SGCE: variants seen among roughly 807,000 people sequenced by gnomAD.
SGCE encodes the protein epsilon-sarcoglycan.
In SGCE, 26 loss-of-function variants were observed where a neutral mutation model predicts 57.8. The observed-to-expected ratio is 0.45, with a 90% confidence interval of 0.33 to 0.62. SGCE has a LOEUF of 0.62. Ranked by LOEUF, SGCE falls within the 20% of genes least tolerant of loss-of-function variation. The pLI, the probability that SGCE is intolerant of heterozygous loss-of-function variation, is 0.02. For synonymous variants in SGCE, 183 were observed against 189.5 expected (o/e 0.97, Z 0.28); for missense variants, 468 against 548.6 (o/e 0.85, Z 1.47).
At chr7:94,649,088 A>G (rs1279485056) in intron 1 of SGCE, among the ~76,000 whole-genome samples, 1 of 152,246 alleles carries the variant, frequency 6.6e-6, no homozygotes, top group Non-Finnish European at 1.5e-5. Flanking sequence ...TACCATGGCG[A>G]TTCCCGTGGT....
At chr7:94,605,223 G>A (rs1799933162) in intron 5 of SGCE, among the ~76,000 whole-genome samples, 1 of 152,028 alleles carries the variant, frequency 6.6e-6, no homozygotes, top group Admixed American at 6.6e-5. Flanking sequence ...AAACAACTAT[G>A]ACTAATATGC....
At position 94,628,250 on chromosome 7, in the gene SGCE, T is replaced by G; in HGVS notation, c.342A>C (p.Leu114=). Residue 114 remains leucine, a synonymous_variant, in exon 3 of 11, where the codon CTA becomes CTC. Transcript: ENST00000648936. ...CATTTTCAGCTGTTGGGGACCCATA[T>G]AGGACTCCATCACTATATGGTGTCC... is the stretch of plus-strand genomic sequence containing the variant. The part of the protein sequence containing the change: ...IQRTPYSDGV[L]YGSPTAENVG... 6.2e-7 allele frequency: 1 copy of G among 1,611,990 alleles called. No individual in the cohort carries two copies.
chr7:94,611,644 T>C (rs1352087340), intron 5 of SGCE, among the ~76,000 whole-genome samples: 1 of 152,220 alleles, frequency 6.6e-6, no homozygotes, highest in African/African-American at 2.4e-5. Context: ...GTGCATTGTA[T>C]GATATGTGAA....
intron 1 of SGCE, among the ~76,000 whole-genome samples, chr7:94,635,502 T>C (rs1805487398): frequency 1.3e-5 from 2 of 152,232 alleles, no homozygotes; most frequent in African/African-American, 2.4e-5. Context: ...TTTTATAGTT[T>C]TAACATCTAA....
chr7:94,590,732 G>T (rs1025759533), intron 9 of SGCE: 1 of 152,186 alleles, frequency 6.6e-6, no homozygotes, highest in Non-Finnish European at 1.5e-5. Context: ...AAACAAGGGA[G>T]TTAGGAATCC....
intron 10 of SGCE, chr7:94,587,154 G>T: frequency 1.0e-6 from 1 of 984,174 alleles, no homozygotes. Context: ...AAAACTCTTT[G>T]GCTCTTATAT....
intron 3 of SGCE, chr7:94,624,378 GAGTT>G (rs748157196): frequency 1.0e-5 from 4 of 395,266 alleles, no homozygotes; most frequent in Non-Finnish European, 1.8e-5. Flanking sequence ...TGAAAATACT[GAGTT>G]AGAACAGTAA....
At chr7:94,644,184 T>C (rs960971882) in intron 1 of SGCE, among the ~76,000 whole-genome samples, 3 of 152,248 alleles carry the variant, frequency 2.0e-5, no homozygotes, top group African/African-American at 4.8e-5. Context: ...AGGATATCAC[T>C]GTACATAATT....
intron 1 of SGCE, among the ~76,000 whole-genome samples, chr7:94,641,840 A>G (rs1188958679): frequency 1.3e-5 from 2 of 152,092 alleles, no homozygotes; most frequent in Non-Finnish European, 2.9e-5. Context: ...GGGGTCCACT[A>G]TGTTGCCCAG....
chr7:94,646,115 T>G (rs929055236), intron 1 of SGCE, among the ~76,000 whole-genome samples: 2 of 152,214 alleles, frequency 1.3e-5, no homozygotes, highest in Non-Finnish European at 2.9e-5. Context: ...CCTCATTCTC[T>G]GCACTTAGCC....
chr7:94,593,592 A>G (rs955577114), intron 9 of SGCE, among the ~76,000 whole-genome samples: 3 of 151,930 alleles, frequency 2.0e-5, no homozygotes, highest in South Asian at 2.1e-4. Context: ...CATTTTTTCA[A>G]TGGCTTTTAG....
intron 1 of SGCE, among the ~76,000 whole-genome samples, chr7:94,638,678 T>C (rs1044210633): frequency 6.6e-6 from 1 of 151,710 alleles, no homozygotes; most frequent in Admixed American, 6.6e-5. Context: ...AAGTTCATAA[T>C]GGTAACTGGT....
At chr7:94,613,226 G>A (rs1056817876) in intron 5 of SGCE, among the ~76,000 whole-genome samples, 1 of 152,142 alleles carries the variant, frequency 6.6e-6, no homozygotes, top group Non-Finnish European at 1.5e-5. Flanking sequence ...GAATCACTAA[G>A]TTTGAACACA....
chr7:94,614,777 T>C (rs542415403), intron 5 of SGCE, among the ~76,000 whole-genome samples: 2 of 152,272 alleles, frequency 1.3e-5, no homozygotes, highest in African/African-American at 4.8e-5. Context: ...CCTAGTAGAC[T>C]GCAAGCCTAG....
At chr7:94,614,929 CATTT>C (rs1449374852) in intron 5 of SGCE, among the ~76,000 whole-genome samples, 1 of 152,082 alleles carries the variant, frequency 6.6e-6, no homozygotes, top group Non-Finnish European at 1.5e-5. Context: ...GCATTGACTT[CATTT>C]GTTTTTTTGT....
chr7:94,586,061 G>GAAAAAAAA (rs780812386), intron 10 of SGCE, among the ~76,000 whole-genome samples: 310 of 28,892 alleles, frequency 0.011, 6 homozygotes, highest in East Asian at 0.019. Flanking sequence ...GGAACTAAAT[G>GAAAAAAAA]AAAAAAAAAA....
At chr7:94,593,415 G>A (rs949069096) in intron 9 of SGCE, among the ~76,000 whole-genome samples, 2 of 151,864 alleles carry the variant, frequency 1.3e-5, no homozygotes, top group Admixed American at 6.6e-5. Context: ...AAATCAATTG[G>A]TATTGATGTT....
rs1243239116 is a variant in SGCE, at chr7:94,587,875, C to G, written c.1297+814G>C. The G allele has an allele frequency of 5.9e-6, 9 of 1,514,148 alleles. No homozygotes were observed. In the East Asian group the frequency reaches 2.3e-4, roughly 39 times the overall value. The allele number at this position is 1,514,148 out of a possible 1,614,324, so 93.8% of individuals were successfully genotyped here. A position where few individuals can be genotyped will look rare whatever the true frequency, so the allele number is the denominator to read the frequency against. On this transcript the variant is annotated intron_variant, in intron 10 of 10. Coordinates refer to ENST00000648936, the MANE Select transcript of SGCE (RefSeq NM_003919.3). ...CTGAATGAAAACATCCAACACATTTCTGAATGTGCCTGAAGTTTTTAAGAG... is the reference window on the plus strand; with the variant it reads ...CTGAATGAAAACATCCAACACATTTGTGAATGTGCCTGAAGTTTTTAAGAG...
At chr7:94,600,384 T>C (rs940400786) in intron 7 of SGCE, 2 of 414,074 alleles carry the variant, frequency 4.8e-6, no homozygotes, top group Non-Finnish European at 8.8e-6. Context: ...GCCTCAATTA[T>C]TCTTGGGACT....
Sources: gnomAD v4.1 joint callset for allele counts (sites outside exome capture counted in the v4.1 genomes callset) on GRCh38, gnomAD v4.1.1 for gene constraint, MANE v1.5 for transcripts, NCBI Gene and HGNC (gene_info 2026-07-23, HGNC 2026-07-21) for gene names.